The following XRCC1 variants were observed in gnomAD, a reference collection of about 807,000 sequenced individuals.
XRCC1 encodes DNA repair protein XRCC1.
In XRCC1, 52 loss-of-function variants were observed where a neutral mutation model predicts 83.3. The observed-to-expected ratio is 0.62, with a 90% CI of 0.50 to 0.79. The LOEUF (loss-of-function observed/expected upper bound fraction) is 0.79. XRCC1 is among the 30% of genes least tolerant of loss of function. XRCC1 has a pLI of 0.00. For synonymous variants in XRCC1, 281 were observed against 312.6 expected (o/e 0.90, Z 1.07); for missense variants, 793 against 823.5 (o/e 0.96, Z 0.45).
Position 43,543,655 on chromosome 19 carries a change from T to A in XRCC1, c.1745A>T (p.Gln582Leu), listed in dbSNP as rs768290166. The A allele has an allele frequency of 6.2e-7, 1 of 1,613,980 alleles. No homozygotes were observed. Among genetic ancestry groups the A allele is most frequent in the South Asian group, 1.1e-5 (1 of 91,072 alleles). ...ELEDYMSDRV[Q>L]FVITAQEWDP... ...CCATTCCTGTGCTGTGATCACAAAC[T>A]GAACCCGGTCACTCATATAGTCCTC... Residue 582 changes from glutamine (Q) to leucine (L), a missense_variant, in exon 16 of 17, where the codon CAG (glutamine) becomes CTG (leucine). Coordinates refer to ENST00000262887, the MANE Select transcript of XRCC1 (RefSeq NM_006297.3).
At chr19:43,544,044 C>T in intron 15 of XRCC1, 100 bp downstream of exon 15, 2 of 1,184,168 alleles carry the variant, frequency 1.7e-6, no homozygotes, top group East Asian at 2.6e-5. Context: ...CTCCATCCTC[C>T]TGATGGTCTT....
At chr19:43,574,681 C>T in intron 2 of XRCC1, 1 of 515,602 alleles carries the variant, frequency 1.9e-6, no homozygotes, top group Non-Finnish European at 3.5e-6. Flanking sequence ...AAGTAGATGC[C>T]ACCTGCCCAG....
intron 10 of XRCC1, among the ~76,000 whole-genome samples, chr19:43,550,369 T>G (rs1972563085): frequency 6.6e-6 from 1 of 152,122 alleles, no homozygotes; most frequent in Admixed American, 6.5e-5. Flanking sequence ...AGAAAAGAAC[T>G]TTCAGCTTCT....
chr19:43,565,685 C>T (rs1465415886), intron 2 of XRCC1, among the ~76,000 whole-genome samples: 1 of 152,236 alleles, frequency 6.6e-6, no homozygotes, highest in Non-Finnish European at 1.5e-5. Flanking sequence ...CCTGTAATCC[C>T]AGCACCGTGG....
intron 2 of XRCC1, among the ~76,000 whole-genome samples, chr19:43,574,295 C>CAA (rs1972832702): frequency 1.3e-5 from 2 of 151,834 alleles, no homozygotes; most frequent in Admixed American, 1.3e-4. Flanking sequence ...AGGCTGGTCT[C>CAA]AAACTCCTGG....
intron 2 of XRCC1, among the ~76,000 whole-genome samples, chr19:43,567,743 G>A (rs906933692): frequency 6.6e-6 from 1 of 152,130 alleles, no homozygotes; most frequent in African/African-American, 2.4e-5. Context: ...GCCTGGGTTC[G>A]TGTGCATGCA....
chr19:43,561,560 G>A (rs548511802), intron 2 of XRCC1, among the ~76,000 whole-genome samples: 1 of 152,346 alleles, frequency 6.6e-6, no homozygotes, highest in African/African-American at 2.4e-5. Context: ...AAATGGGAAT[G>A]ACCACCATAT....
intron 10 of XRCC1, among the ~76,000 whole-genome samples, chr19:43,548,239 C>A (rs1369650383): frequency 6.6e-6 from 1 of 152,078 alleles, no homozygotes; most frequent in Non-Finnish European, 1.5e-5. Flanking sequence ...AAGTGAGGAG[C>A]CCCTCTGCCT....
chr19:43,544,759 TC>T (rs1398052180), intron 14 of XRCC1, among the ~76,000 whole-genome samples: 1 of 152,096 alleles, frequency 6.6e-6, no homozygotes, highest in Non-Finnish European at 1.5e-5. Flanking sequence ...TCCTCCCACC[TC>T]AGCCTCCTGA....
At position 43,553,095 on chromosome 19, in the gene XRCC1, T is replaced by A. The variant is rs3213361; in HGVS notation, c.602-4A>T. ...CCTGCTGGGTCGCTGGCTGTGACTA[T>A]GAAGGGAGAAAGTGGATCCAGGATG... On this transcript the variant is annotated splice_region_variant and splice_polypyrimidine_tract_variant and intron_variant, in intron 6 of 16. Transcript: ENST00000262887. 207 of 1,562,750 alleles carry A rather than the reference T, an allele frequency of 1.3e-4. No individual in the cohort carries two copies. The East Asian group carries it at 4.1e-3, about 31-fold the overall frequency.
chr19:43,545,581 G>GGA (rs1256019982), intron 14 of XRCC1, among the ~76,000 whole-genome samples: 2 of 152,208 alleles, frequency 1.3e-5, no homozygotes, highest in Non-Finnish European at 2.9e-5. Flanking sequence ...GGCTGCGAGG[G>GGA]GAGTGGTCAG....
In XRCC1 at chr19:43,551,500, C is replaced by T. The variant is rs1032059697; in HGVS notation, c.1199+71G>A. ...GTGTTCTCCGCTGGCAGGCCCCAGT[C>T]TGACTCCCCTCCAGATTCCTGGCAT... On this transcript the variant is annotated intron_variant, in intron 10 of 16. Transcript: ENST00000262887. 2.5e-5 allele frequency: 34 copies of T among 1,374,108 alleles called. No homozygotes were observed. The Admixed American group carries it at 5.6e-4, about 23-fold the overall frequency. 85.1% of individuals were successfully genotyped at this position (1,374,108 alleles called of 1,614,324 possible).
chr19:43,574,152 T>A (rs1240014121), intron 2 of XRCC1, among the ~76,000 whole-genome samples: 1 of 151,980 alleles, frequency 6.6e-6, no homozygotes, highest in East Asian at 1.9e-4. Flanking sequence ...CTCAGCTCAC[T>A]GCAGCCTCCA....
At chr19:43,555,298 C>T (rs756790073) in intron 3 of XRCC1, 1 of 152,454 alleles carries the variant, frequency 6.6e-6, no homozygotes, top group Admixed American at 6.5e-5. Flanking sequence ...TCTCTGTGAT[C>T]TGGGCCCGCA....
intron 10 of XRCC1, among the ~76,000 whole-genome samples, chr19:43,550,262 G>A (rs562770855): frequency 2.0e-4 from 29 of 147,506 alleles, no homozygotes; most frequent in Admixed American, 4.9e-4. Context: ...CTGCAGTTAA[G>A]ACCATGACAC....
Position 43,543,462 on chromosome 19 carries a change from C to T in XRCC1, c.1832G>A (p.Trp611Ter). 1.9e-6 allele frequency: 3 copies of T among 1,613,060 alleles called. No individual in the cohort carries two copies. The highest frequency in any genetic ancestry group is 2.5e-6 in the Non-Finnish European group (3 of 1,179,818). ...CTGCTTCTCATTGCAACTGTAGATC[C>T]ATCGGGGACGAACGAATGCCAGGGA... The part of the protein sequence containing the change: ...NPSLAFVRPR[W>*]IYSCNEKQKL... Residue 611 changes from tryptophan (W) to a stop codon, truncating the protein, a stop_gained, in exon 17 of 17, where the codon TGG becomes TAG. Coordinates refer to ENST00000262887, the MANE Select transcript of XRCC1 (RefSeq NM_006297.3). LOFTEE classifies it high-confidence loss of function.
intron 12 of XRCC1, 122 bp from the exon 13 acceptor site, chr19:43,546,228 G>C (rs1972507837): frequency 8.8e-7 from 1 of 1,139,634 alleles, no homozygotes; most frequent in South Asian, 1.3e-5. Context: ...TCCAGATCCA[G>C]TCGTCTGGGC....
intron 2 of XRCC1, among the ~76,000 whole-genome samples, chr19:43,563,926 G>C (rs1027922556): frequency 2.6e-5 from 4 of 152,190 alleles, no homozygotes; most frequent in Non-Finnish European, 4.4e-5. Flanking sequence ...AGTATCGTCT[G>C]AGTTGTTCCC....
At position 43,555,458 on chromosome 19, in the gene XRCC1, G is replaced by A. The variant is rs563552626; in HGVS notation, c.256-654C>T. 1.2e-4 allele frequency: 18 copies of A among 152,332 alleles called. 1 individual carries two copies. Among genetic ancestry groups the A allele is most frequent in the African/African-American group, 4.1e-4 (17 of 41,572 alleles). The allele number at this position is 152,332 out of a possible 1,614,324, so 9.4% of individuals were successfully genotyped here. ...TCCTGTGAGCATCACCCCCAGTTAA[G>A]CTTCTGCTGCTGCAGTGGTTCCTGC... On this transcript the variant is annotated intron_variant, in intron 3 of 16. Transcript: ENST00000262887.
Sources: allele counts gnomAD v4.1 joint callset (sites outside exome capture counted in the v4.1 genomes callset), GRCh38; gene constraint gnomAD v4.1.1; transcripts MANE v1.5; gene names NCBI Gene and HGNC (gene_info 2026-07-23, HGNC 2026-07-21).